The following FRMD4A variants were observed in gnomAD, a reference collection of about 807,000 sequenced individuals.
The protein encoded by FRMD4A is FERM domain-containing protein 4A.
FRMD4A carries 29 observed loss-of-function variants against 129.1 expected under a neutral mutation model. The ratio of observed to expected loss-of-function variants is 0.22; its 90% confidence interval spans 0.17 to 0.31. The LOEUF is 0.31. Ranked by LOEUF, FRMD4A falls within the 10% of genes least tolerant of loss-of-function variation. The probability of loss-of-function intolerance (pLI) is 1.00; values close to 1 mark genes in which losing one functional copy is unlikely to be tolerated. For missense variants in FRMD4A, 1,272 were observed against 1,375.8 expected (o/e 0.92, Z 1.19); for synonymous variants, 634 against 571.6 (o/e 1.11, Z -1.56).
At chr10:14,100,774 A>G (rs1245150383) in intron 2 of FRMD4A, among the ~76,000 whole-genome samples, 2 of 152,098 alleles carry the variant, frequency 1.3e-5, no homozygotes, top group Non-Finnish European at 2.9e-5. Context: ...CCTACTTCCT[A>G]TACTTTTTAG....
At chr10:13,654,374 C>T in intron 23 of FRMD4A, 42 bp downstream of exon 23, 1 of 1,243,878 alleles carries the variant, frequency 8.0e-7, no homozygotes, top group Non-Finnish European at 1.2e-6. Flanking sequence ...CTATGACACT[C>T]TTTCGAGCTG....
chr10:14,191,360 C>T (rs188139227), intron 2 of FRMD4A, among the ~76,000 whole-genome samples: 47 of 152,242 alleles, frequency 3.1e-4, no homozygotes, highest in African/African-American at 1.1e-3. Flanking sequence ...AAAGCAGAGG[C>T]TAATGGGGTC....
At chr10:13,839,286 G>A (rs1013565998) in intron 3 of FRMD4A, among the ~76,000 whole-genome samples, 1 of 152,142 alleles carries the variant, frequency 6.6e-6, no homozygotes, top group African/African-American at 2.4e-5. Context: ...AATTACAGGT[G>A]TGAGCCACCA....
At chr10:14,005,390 G>A (rs2095658753) in intron 2 of FRMD4A, among the ~76,000 whole-genome samples, 1 of 152,176 alleles carries the variant, frequency 6.6e-6, no homozygotes, top group Admixed American at 6.5e-5. Context: ...GTCTGAAGAA[G>A]CATGAACCAG....
chr10:13,772,200 T>TATTTATTTATTATTATTATATAATAAA (rs2092477592), intron 6 of FRMD4A, among the ~76,000 whole-genome samples: 1 of 130,338 alleles, frequency 7.7e-6, no homozygotes, highest in African/African-American at 2.6e-5. Context: ...TATATAATAA[T>TATTTATTTATTATTATTATATAATAAA]AAATATTTAT....
intron 2 of FRMD4A, chr10:14,003,665 C>T (rs1455064448): frequency 7.5e-3 from 1 of 134 alleles, no homozygotes; most frequent in African/African-American, 0.028. Flanking sequence ...TCCTGGAGCC[C>T]AAACTACAGC....
chr10:14,174,955 A>C (rs1193410971), intron 2 of FRMD4A, among the ~76,000 whole-genome samples: 1 of 151,628 alleles, frequency 6.6e-6, no homozygotes, highest in Non-Finnish European at 1.5e-5. Context: ...CAGGAGTCCA[A>C]ATAAATCAGG....
chr10:13,750,128 G>T (rs1188674269), intron 8 of FRMD4A, among the ~76,000 whole-genome samples: 2 of 143,628 alleles, frequency 1.4e-5, no homozygotes, highest in African/African-American at 2.5e-5. Context: ...AAGAAAGAAA[G>T]AAAGAAAGAA....
chr10:13,831,876 A>C (rs2093795140), intron 3 of FRMD4A, among the ~76,000 whole-genome samples: 1 of 152,050 alleles, frequency 6.6e-6, no homozygotes, highest in Non-Finnish European at 1.5e-5. Context: ...TCCAAAATGG[A>C]GACAGTGCTG....
chr10:14,112,621 G>A (rs1340130552), intron 2 of FRMD4A, among the ~76,000 whole-genome samples: 1 of 152,142 alleles, frequency 6.6e-6, no homozygotes, highest in Non-Finnish European at 1.5e-5. Context: ...TGCCTCCCAG[G>A]TTCAAGTGAT....
chr10:14,172,975 A>G (rs933811502), intron 2 of FRMD4A, among the ~76,000 whole-genome samples: 1 of 152,106 alleles, frequency 6.6e-6, no homozygotes, highest in Non-Finnish European at 1.5e-5. Context: ...CCTGCACAAG[A>G]CCTACTTCTA....
At chr10:13,843,391 T>C (rs1027106910) in intron 3 of FRMD4A, among the ~76,000 whole-genome samples, 5 of 152,192 alleles carry the variant, frequency 3.3e-5, no homozygotes, top group Non-Finnish European at 7.3e-5. Flanking sequence ...GGGAATAATA[T>C]GGACCAGCTG....
intron 15 of FRMD4A, chr10:13,693,557 C>G (rs1564625519): frequency 8.5e-7 from 1 of 1,182,764 alleles, no homozygotes; most frequent in Non-Finnish European, 1.1e-6. Context: ...TGAGCGGATT[C>G]CACTTTTCAC....
chr10:14,063,421 C>A (rs1282497941), intron 2 of FRMD4A, among the ~76,000 whole-genome samples: 3 of 152,020 alleles, frequency 2.0e-5, no homozygotes, highest in Admixed American at 6.6e-5. Flanking sequence ...GTTCTCTTGG[C>A]AACACTAAGA....
chr10:14,037,170 CACAA>C (rs1420379725), intron 2 of FRMD4A, among the ~76,000 whole-genome samples: 5 of 152,204 alleles, frequency 3.3e-5, no homozygotes, highest in African/African-American at 4.8e-5. Context: ...CGTGTCCACA[CACAA>C]ACACACAAAT....
At chr10:13,666,487 C>T (rs1050329575) in intron 17 of FRMD4A, among the ~76,000 whole-genome samples, 162 bp from the exon 18 acceptor site, 1 of 152,204 alleles carries the variant, frequency 6.6e-6, no homozygotes, top group Non-Finnish European at 1.5e-5. Flanking sequence ...CAGGCACACC[C>T]ACTGTTGTAA....
intron 2 of FRMD4A, among the ~76,000 whole-genome samples, chr10:14,108,834 A>C (rs1837721050): frequency 6.6e-6 from 1 of 152,204 alleles, no homozygotes; most frequent in South Asian, 2.1e-4. Context: ...CCATAGAAAC[A>C]AAAACAAACT....
intron 17 of FRMD4A, 76 bp from the exon 18 acceptor site, chr10:13,666,401 C>T: frequency 9.9e-7 from 1 of 1,014,274 alleles, no homozygotes; most frequent in South Asian, 1.3e-5. Context: ...CTCCCCTGTC[C>T]CAAGGCAAGT....
At position 13,857,199 on chromosome 10, in the gene FRMD4A, T is replaced by TA. The variant is rs916387011; in HGVS notation, c.111+1647_111+1648insT. Among the ~76,000 whole-genome samples, 17 of 151,954 alleles carry TA rather than the reference T, an allele frequency of 1.1e-4. No homozygotes were observed. The East Asian group carries it at 2.1e-3, about 19-fold the overall frequency. The stretch of plus-strand genomic sequence containing the variant: ...CATTTACTTGTAATAGTGGTAAAAT[T>TA]TTTTTTTTTAAATCCCTTAAATATA... On this transcript the variant is annotated intron_variant, in intron 3 of 24. Coordinates refer to ENST00000357447, the MANE Select transcript of FRMD4A (RefSeq NM_018027.5).
Sources: allele counts gnomAD v4.1 joint callset (sites outside exome capture counted in the v4.1 genomes callset), GRCh38; gene constraint gnomAD v4.1.1; transcripts MANE v1.5; gene names NCBI Gene and HGNC (gene_info 2026-07-23, HGNC 2026-07-21).